The following IRAK2 variants were observed in gnomAD, a reference collection of about 807,000 sequenced individuals.
The protein encoded by IRAK2 is interleukin-1 receptor-associated kinase-like 2.
Under a neutral mutation model 72.0 loss-of-function variants are expected in IRAK2, and 57 were observed. The observed-to-expected ratio is 0.79, with a 90% confidence interval of 0.64 to 0.99. The LOEUF is 0.99. Ranked by LOEUF, IRAK2 falls within the 50% of genes least tolerant of loss-of-function variation. The probability of loss-of-function intolerance (pLI) is 0.00; values close to 1 mark genes in which losing one functional copy is unlikely to be tolerated. For missense variants in IRAK2, 790 were observed against 794.4 expected (o/e 0.99, Z 0.07); for synonymous variants, 293 against 312.7 (o/e 0.94, Z 0.67).
chr3:10,209,826 C>G lies in IRAK2; in HGVS notation c.528+134C>G, dbSNP rs113646905. On this transcript the variant is annotated intron_variant, in intron 4 of 12. Transcript: ENST00000256458. ...AGAAAGGAAATTGCCATCAAATTACCCCAAGCTTCTAAGACTGTAAGTAGA... is the reference window on the plus strand; with the variant it reads ...AGAAAGGAAATTGCCATCAAATTACGCCAAGCTTCTAAGACTGTAAGTAGA... 376 of 480,486 alleles carry G rather than the reference C, an allele frequency of 7.8e-4. 1 individual carries two copies. The highest frequency in any genetic ancestry group is 6.4e-3 in the African/African-American group (315 of 49,606). The allele number at this position is 480,486 out of a possible 1,614,324, so 29.8% of individuals were successfully genotyped here.
At chr3:10,207,306 G>A (rs1010958653) in intron 3 of IRAK2, among the ~76,000 whole-genome samples, 8 of 152,170 alleles carry the variant, frequency 5.3e-5, no homozygotes, top group African/African-American at 1.9e-4. Context: ...CTTTCCTGAT[G>A]TTGTAAGCCA....
At chr3:10,178,484 A>G (rs1266264065) in intron 2 of IRAK2, among the ~76,000 whole-genome samples, 3 of 152,008 alleles carry the variant, frequency 2.0e-5, no homozygotes, top group Non-Finnish European at 4.4e-5. Flanking sequence ...AAACAAAAAA[A>G]AGAAACTGGT....
At chr3:10,208,798 G>C (rs924358034) in intron 3 of IRAK2, among the ~76,000 whole-genome samples, 1 of 151,772 alleles carries the variant, frequency 6.6e-6, no homozygotes, top group Non-Finnish European at 1.5e-5. Flanking sequence ...TTGTAGAAAC[G>C]GGATCTTGTC....
intron 2 of IRAK2, among the ~76,000 whole-genome samples, chr3:10,183,542 C>T (rs1049884238): frequency 1.3e-5 from 2 of 152,066 alleles, no homozygotes; most frequent in Non-Finnish European, 2.9e-5. Flanking sequence ...ACAGTGAAAC[C>T]CTGCCTCTAC....
chr3:10,218,079 G>T (rs1236491419), intron 7 of IRAK2, among the ~76,000 whole-genome samples: 1 of 152,196 alleles, frequency 6.6e-6, no homozygotes, highest in Non-Finnish European at 1.5e-5. Context: ...ATTAGCAGGG[G>T]CTGTCCAGGC....
chr3:10,212,219 G>A (rs1353301078), intron 4 of IRAK2, among the ~76,000 whole-genome samples: 1 of 152,154 alleles, frequency 6.6e-6, no homozygotes, highest in Non-Finnish European at 1.5e-5. Flanking sequence ...ACTTGCCCAT[G>A]GTTGTGTGCA....
At chr3:10,208,559 C>T (rs554583167) in intron 3 of IRAK2, among the ~76,000 whole-genome samples, 6 of 151,796 alleles carry the variant, frequency 4.0e-5, no homozygotes, top group South Asian at 2.1e-4. Context: ...TTCAGGAGAT[C>T]GAGACCATCC....
At chr3:10,222,542 G>A (rs1697712547) in intron 8 of IRAK2, 94 bp from the exon 9 acceptor site, 1 of 961,488 alleles carries the variant, frequency 1.0e-6, no homozygotes, top group Non-Finnish European at 1.6e-6. Context: ...TGCAGGAGGT[G>A]AGGTTGCTAT....
intron 12 of IRAK2, 48 bp from the exon 13 acceptor site, chr3:10,242,068 A>G (rs750716608): frequency 1.9e-6 from 2 of 1,042,186 alleles, no homozygotes; most frequent in South Asian, 1.3e-5. Context: ...TTATAATAAT[A>G]GTAACTTTCA....
At chr3:10,193,201 A>T (rs1697203781) in intron 2 of IRAK2, among the ~76,000 whole-genome samples, 1 of 152,192 alleles carries the variant, frequency 6.6e-6, no homozygotes, top group Admixed American at 6.5e-5. Flanking sequence ...GTGAACCATG[A>T]CAGGGGCACA....
At chr3:10,200,826 A>AGAATC in intron 3 of IRAK2, among the ~76,000 whole-genome samples, 1 of 152,368 alleles carries the variant, frequency 6.6e-6, no homozygotes, top group African/African-American at 2.4e-5. Flanking sequence ...GCTCGAGCCC[A>AGAATC]GGAGTGCAAG....
At chr3:10,227,230 T>C (rs1697793364) in intron 10 of IRAK2, among the ~76,000 whole-genome samples, 1 of 151,982 alleles carries the variant, frequency 6.6e-6, no homozygotes, top group Admixed American at 6.6e-5. Flanking sequence ...GGCGGATCAC[T>C]TGAGGCTGGG....
intron 11 of IRAK2, among the ~76,000 whole-genome samples, chr3:10,235,961 G>A (rs1183020191): frequency 2.0e-5 from 3 of 152,092 alleles, no homozygotes; most frequent in African/African-American, 2.4e-5. Flanking sequence ...CATTCATTCC[G>A]CAGTTGTACA....
At chr3:10,184,633 G>A (rs11711714) in intron 2 of IRAK2, among the ~76,000 whole-genome samples, 1 of 151,092 alleles carries the variant, frequency 6.6e-6, no homozygotes, top group South Asian at 2.1e-4. Flanking sequence ...TGAGAAACAC[G>A]AGGTAGTTAC....
At chr3:10,213,940 G>GT (rs1697562472) in intron 6 of IRAK2, among the ~76,000 whole-genome samples, 1 of 139,974 alleles carries the variant, frequency 7.1e-6, no homozygotes, top group African/African-American at 2.7e-5. Flanking sequence ...TTCTTTTTTT[G>GT]TTTTTTGAGA....
At chr3:10,181,098 G>T (rs1270470468) in intron 2 of IRAK2, among the ~76,000 whole-genome samples, 2 of 152,058 alleles carry the variant, frequency 1.3e-5, no homozygotes, top group Non-Finnish European at 2.9e-5. Flanking sequence ...CCATCCCCTG[G>T]ACTTCTGTCT....
At chr3:10,209,885 G>T (rs1261169306) in intron 4 of IRAK2, among the ~76,000 whole-genome samples, 193 bp downstream of exon 4, 1 of 152,034 alleles carries the variant, frequency 6.6e-6, no homozygotes, top group Non-Finnish European at 1.5e-5. Context: ...GGGAGGGAGG[G>T]CACTTCAGTG....
intron 10 of IRAK2, among the ~76,000 whole-genome samples, chr3:10,230,803 A>C (rs1238674180): frequency 1.3e-5 from 2 of 151,728 alleles, no homozygotes; most frequent in Admixed American, 6.6e-5. Context: ...CCCAGGCTGG[A>C]GTACAGTGGT....
At position 10,213,415 on chromosome 3, in the gene IRAK2, G is replaced by GAAGTGCTT. The variant is rs1410593824; in HGVS notation, c.723+14_723+15insAAGTGCTT. The GAAGTGCTT allele has an allele frequency of 6.2e-7, 1 of 1,613,740 alleles. No homozygotes were observed. The highest frequency in any genetic ancestry group is 8.5e-7 in the Non-Finnish European group (1 of 1,179,822). Reference sequence around the variant, plus strand: ...AAGCTCAGAGAGGTGAGCACTTCTTGGTTTCTAGTGGGGGTGGAGGCTGCA... The same window carrying GAAGTGCTT: ...AAGCTCAGAGAGGTGAGCACTTCTTGAAGTGCTTGTTTCTAGTGGGGGTGGAGGCTGCA... On this transcript the variant is annotated intron_variant, in intron 5 of 12. Coordinates refer to ENST00000256458, the MANE Select transcript of IRAK2 (RefSeq NM_001570.4).
Sources: gnomAD v4.1 joint callset for allele counts (sites outside exome capture counted in the v4.1 genomes callset) on GRCh38, gnomAD v4.1.1 for gene constraint, MANE v1.5 for transcripts, NCBI Gene and HGNC (gene_info 2026-07-23, HGNC 2026-07-21) for gene names.